Variants in PCDH9 observed in about 807,000 individuals in gnomAD.
PCDH9 encodes protocadherin-9.
In PCDH9, 24 loss-of-function variants were observed where a neutral mutation model predicts 70.6. The ratio of observed to expected loss-of-function variants is 0.34; its 90% CI spans 0.25 to 0.48. The LOEUF is 0.48. PCDH9 is among the 20% of genes least tolerant of loss of function. The pLI, the probability that PCDH9 is intolerant of heterozygous loss-of-function variation, is 0.99. For synonymous variants in PCDH9, 562 were observed against 558.5 expected (o/e 1.01, Z -0.09); for missense variants, 1,281 against 1,503.6 (o/e 0.85, Z 2.45).
chr13:66,951,741 T>A (rs9317627), intron 2 of PCDH9, among the ~76,000 whole-genome samples: 147,123 of 152,270 alleles, frequency 0.97, 71,068 homozygotes, highest in East Asian at 1. Flanking sequence ...CCTTACTGAA[T>A]TTTTTAGAGC....
intron 2 of PCDH9, among the ~76,000 whole-genome samples, chr13:67,022,402 T>G (rs985056421): frequency 3.3e-5 from 5 of 152,166 alleles, no homozygotes; most frequent in African/African-American, 1.2e-4. Context: ...ATTACAGGCA[T>G]GAGCCACTGC....
intron 3 of PCDH9, among the ~76,000 whole-genome samples, chr13:66,684,373 T>C (rs965959857): frequency 6.6e-5 from 10 of 152,252 alleles, no homozygotes; most frequent in African/African-American, 2.2e-4. Context: ...CTTGGAGAAG[T>C]CATCTGATGT....
chr13:66,395,791 C>T (rs1389968284), intron 4 of PCDH9, among the ~76,000 whole-genome samples: 2 of 151,898 alleles, frequency 1.3e-5, no homozygotes, highest in African/African-American at 4.8e-5. Context: ...GTGGTGTAAA[C>T]ATTTGTGCAT....
At chr13:66,984,581 T>C (rs1036963751) in intron 2 of PCDH9, among the ~76,000 whole-genome samples, 3 of 152,160 alleles carry the variant, frequency 2.0e-5, no homozygotes, top group African/African-American at 7.2e-5. Flanking sequence ...TTGGATCTGA[T>C]GAATGCAAAA....
At chr13:66,574,386 G>A (rs1396215328) in intron 4 of PCDH9, among the ~76,000 whole-genome samples, 1 of 152,082 alleles carries the variant, frequency 6.6e-6, no homozygotes, top group Non-Finnish European at 1.5e-5. Flanking sequence ...AAGTGATCTT[G>A]TCTACTGATA....
At chr13:66,308,110 G>T (rs1026771543) in intron 4 of PCDH9, among the ~76,000 whole-genome samples, 5 of 152,026 alleles carry the variant, frequency 3.3e-5, no homozygotes, top group Non-Finnish European at 7.4e-5. Flanking sequence ...GAAGTAAAAG[G>T]TGTCATTAAA....
At chr13:67,160,411 G>T (rs2087924070) in intron 2 of PCDH9, among the ~76,000 whole-genome samples, 2 of 152,076 alleles carry the variant, frequency 1.3e-5, no homozygotes, top group Admixed American at 6.6e-5. Flanking sequence ...GCCGGGCGTG[G>T]TGGCGGGCGC....
intron 4 of PCDH9, among the ~76,000 whole-genome samples, chr13:66,437,148 C>G (rs1957882049): frequency 6.6e-6 from 1 of 151,494 alleles, no homozygotes; most frequent in Non-Finnish European, 1.5e-5. Context: ...GGGCTCATAC[C>G]TGTAATCTCA....
chr13:66,413,392 A>T (rs1241495630), intron 4 of PCDH9, among the ~76,000 whole-genome samples: 1 of 152,188 alleles, frequency 6.6e-6, no homozygotes, highest in Non-Finnish European at 1.5e-5. Context: ...ATTGTCTAAG[A>T]ATCCTCAAAC....
intron 4 of PCDH9, among the ~76,000 whole-genome samples, chr13:66,561,030 G>C (rs1179009476): frequency 6.6e-6 from 1 of 152,226 alleles, no homozygotes; most frequent in Non-Finnish European, 1.5e-5. Flanking sequence ...GCCAAGGCCG[G>C]AGCCGGCTGC....
intron 3 of PCDH9, among the ~76,000 whole-genome samples, chr13:66,828,692 G>A (rs1270885627): frequency 6.6e-6 from 1 of 152,072 alleles, no homozygotes; most frequent in African/African-American, 2.4e-5. Context: ...AAAAGAGACA[G>A]AGAGAGGGAG....
chr13:66,933,456 C>G (rs1312282709), intron 2 of PCDH9, among the ~76,000 whole-genome samples: 2 of 152,028 alleles, frequency 1.3e-5, no homozygotes, highest in Non-Finnish European at 2.9e-5. Context: ...TTTCATGATC[C>G]AAAAAATACA....
chr13:67,059,441 A>G (rs1030401544), intron 2 of PCDH9, among the ~76,000 whole-genome samples: 1 of 145,162 alleles, frequency 6.9e-6, no homozygotes, highest in African/African-American at 2.6e-5. Flanking sequence ...TATATATAAT[A>G]TAAGTGTTAT....
intron 2 of PCDH9, among the ~76,000 whole-genome samples, chr13:67,090,667 T>C (rs2086199818): frequency 6.6e-6 from 1 of 151,842 alleles, no homozygotes; most frequent in Admixed American, 6.6e-5. Context: ...TTCTGAAATG[T>C]TAAAGAATAA....
Position 67,225,898 on chromosome 13 carries a change from T to G in PCDH9, c.2543A>C (p.Gln848Pro). 1.2e-6 allele frequency: 2 copies of G among 1,614,122 alleles called. No individual in the cohort carries two copies. Among genetic ancestry groups the G allele is most frequent in the East Asian group, 2.2e-5 (1 of 44,866 alleles). The change falls in exon 2 of 5, where the codon CAG (glutamine) becomes CCG (proline). Residue 848 changes from glutamine to proline, a missense_variant. This residue lies in a region of PCDH9 where 207 missense variants were observed against 191.8 expected (regional missense o/e 1.08). Transcript: ENST00000377865. ...CCATTCGGCACCTTGCTTGCTCCTC[T>G]GAGCTGCTTTGAACCTTGATGCATG... is the stretch of plus-strand genomic sequence containing the variant. ...CRHASRFKAAQRSKQGAEWMS... is the reference protein window; with the variant it reads ...CRHASRFKAAPRSKQGAEWMS...
intron 4 of PCDH9, among the ~76,000 whole-genome samples, chr13:66,437,224 G>A (rs1040038598): frequency 2.6e-4 from 39 of 151,416 alleles, no homozygotes; most frequent in Non-Finnish European, 5.3e-4. Context: ...TGGCTAACAC[G>A]GTGAAACCCC....
intron 2 of PCDH9, among the ~76,000 whole-genome samples, chr13:67,054,274 T>C (rs908125032): frequency 5.9e-5 from 9 of 152,210 alleles, no homozygotes; most frequent in African/African-American, 2.2e-4. Flanking sequence ...ATTATTTTTA[T>C]TTTCATGTTT....
chr13:66,916,787 G>A (rs1269068281), intron 2 of PCDH9, among the ~76,000 whole-genome samples: 2 of 151,334 alleles, frequency 1.3e-5, no homozygotes, highest in Non-Finnish European at 1.5e-5. Flanking sequence ...ATTCCTTAGT[G>A]AGCTCTCTAA....
At chr13:66,831,839 A>G (rs1566225968) in intron 3 of PCDH9, among the ~76,000 whole-genome samples, 1 of 152,178 alleles carries the variant, frequency 6.6e-6, no homozygotes, top group Non-Finnish European at 1.5e-5. Flanking sequence ...AGAAGATGAC[A>G]CTCAGCATCT....
Sources: gnomAD v4.1 joint callset for allele counts (sites outside exome capture counted in the v4.1 genomes callset) on GRCh38, gnomAD v4.1.1 for gene constraint, gnomAD v4.1.1 regional missense constraint, MANE v1.5 for transcripts, NCBI Gene and HGNC (gene_info 2026-07-23, HGNC 2026-07-21) for gene names.